TXNDC16: variants seen among roughly 807,000 people sequenced by gnomAD.
TXNDC16 encodes the protein thioredoxin domain-containing protein 16.
TXNDC16 carries 74 observed loss-of-function variants against 85.6 expected under a neutral mutation model. That is an observed-to-expected ratio of 0.86 (90% confidence interval 0.72 to 1.05). The LOEUF is 1.05. Among genes scored for constraint, TXNDC16 ranks in the 50% least tolerant of loss-of-function variants. The pLI, the probability that TXNDC16 is intolerant of heterozygous loss-of-function variation, is 0.00. For synonymous variants in TXNDC16, 335 were observed against 326.5 expected (o/e 1.03, Z -0.28); for missense variants, 959 against 947.0 (o/e 1.01, Z -0.17).
intron 9 of TXNDC16, 130 bp from the exon 10 acceptor site, chr14:52,491,135 C>T (rs903365027): frequency 1.4e-5 from 15 of 1,051,878 alleles, no homozygotes; most frequent in African/African-American, 8.2e-5. Flanking sequence ...CTAACAGAAA[C>T]GATCTCTTAA....
rs1338536134 is a variant in TXNDC16, at chr14:52,536,704, AG to A, written c.392+14del. 5 of 1,590,062 alleles carry A rather than the reference AG, an allele frequency of 3.1e-6. No homozygotes were observed. The South Asian group carries it at 4.6e-5, about 14-fold the overall frequency. Reference sequence around the variant, plus strand: ...GTAACAAGTAAACAAATGAATGTGTAGCCCCTGTACTTACAAGAGAACATGG... The same window carrying A: ...GTAACAAGTAAACAAATGAATGTGTACCCCTGTACTTACAAGAGAACATGG... On this transcript the variant is annotated intron_variant, in intron 6 of 20. Coordinates refer to ENST00000281741, the MANE Select transcript of TXNDC16 (RefSeq NM_020784.3).
intron 5 of TXNDC16, 136 bp downstream of exon 5, chr14:52,537,463 T>A: frequency 1.5e-6 from 1 of 658,882 alleles, no homozygotes; most frequent in South Asian, 1.7e-5. Flanking sequence ...ACAAATCTAT[T>A]ACTTGGACTT....
At chr14:52,544,099 A>G (rs1241106100) in intron 2 of TXNDC16, among the ~76,000 whole-genome samples, 165 bp downstream of exon 2, 1 of 152,134 alleles carries the variant, frequency 6.6e-6, no homozygotes, top group African/African-American at 2.4e-5. Context: ...ATGGAAGAAC[A>G]TTCCTTCTAA....
intron 17 of TXNDC16, among the ~76,000 whole-genome samples, chr14:52,456,486 C>A (rs1289808985): frequency 6.6e-6 from 1 of 152,152 alleles, no homozygotes; most frequent in South Asian, 2.1e-4. Context: ...TTAGAAATCA[C>A]AATTAGGAAT....
chr14:52,532,388 A>T (rs576970119), intron 6 of TXNDC16, among the ~76,000 whole-genome samples: 2 of 152,270 alleles, frequency 1.3e-5, no homozygotes, highest in African/African-American at 4.8e-5. Context: ...AAATAAATCA[A>T]GTTTAAAACA....
At position 52,519,194 on chromosome 14, in the gene TXNDC16, A is replaced by G. The variant is rs766883980; in HGVS notation, c.492T>C (p.Tyr164=). The change falls in exon 7 of 21, where the codon TAT becomes TAC. Residue 164 remains tyrosine (Y), a synonymous_variant. Transcript: ENST00000281741. The part of the protein sequence containing the change: ...LKGKANIIFS[Y]VRAIGIPEHR... The stretch of plus-strand genomic sequence containing the variant: ...TACCTGGTATTCCAATGGCTCTTAC[A>G]TATGAGAATATAATATTTGCTTTTC... 2 of 1,611,564 alleles carry G rather than the reference A, an allele frequency of 1.2e-6. No individual in the cohort carries two copies. Among genetic ancestry groups the G allele is most frequent in the Non-Finnish European group, 1.7e-6 (2 of 1,179,068 alleles).
intron 1 of TXNDC16, among the ~76,000 whole-genome samples, chr14:52,549,179 T>G (rs1479781397): frequency 6.6e-6 from 1 of 152,216 alleles, no homozygotes; most frequent in African/African-American, 2.4e-5. Context: ...GGCCCTCAAT[T>G]CTTCAGTATA....
At chr14:52,537,714 G>A (rs1594764395) in intron 4 of TXNDC16, 42 bp from the exon 5 acceptor site, 1 of 1,186,984 alleles carries the variant, frequency 8.4e-7, no homozygotes, top group East Asian at 2.4e-5. Context: ...TATATCAAAA[G>A]GTCAAGTTTC....
At chr14:52,526,375 T>C (rs1301520715) in intron 6 of TXNDC16, among the ~76,000 whole-genome samples, 1 of 152,174 alleles carries the variant, frequency 6.6e-6, no homozygotes. Flanking sequence ...TCAACCAATA[T>C]GTTCAGTTTT....
At chr14:52,480,973 ATG>A (rs768104189) in intron 14 of TXNDC16, among the ~76,000 whole-genome samples, 13,747 of 103,378 alleles carry the variant, frequency 0.13, 835 homozygotes, top group Non-Finnish European at 0.17. Context: ...ATATATATAT[ATG>A]TATATATATA....
chr14:52,453,643 T>G (rs2035462615), intron 18 of TXNDC16, among the ~76,000 whole-genome samples: 1 of 152,030 alleles, frequency 6.6e-6, no homozygotes, highest in Non-Finnish European at 1.5e-5. Context: ...ATTGAACTCA[T>G]GGAGATAGAG....
intron 9 of TXNDC16, among the ~76,000 whole-genome samples, chr14:52,499,655 A>C (rs1350241912): frequency 6.6e-6 from 1 of 151,846 alleles, no homozygotes; most frequent in East Asian, 1.9e-4. Flanking sequence ...AACGTTGGTG[A>C]AGATATGAAG....
At chr14:52,457,932 T>C (rs185926742) in intron 16 of TXNDC16, among the ~76,000 whole-genome samples, 27 of 152,312 alleles carry the variant, frequency 1.8e-4, no homozygotes, top group Admixed American at 9.2e-4. Flanking sequence ...GGTGGACTTA[T>C]AGGTCAAATT....
intron 20 of TXNDC16, among the ~76,000 whole-genome samples, chr14:52,436,204 G>A (rs758083454): frequency 3.3e-5 from 5 of 152,118 alleles, no homozygotes; most frequent in Admixed American, 6.5e-5. Context: ...AACAAAATGT[G>A]ACATATCCTT....
intron 1 of TXNDC16, among the ~76,000 whole-genome samples, chr14:52,545,983 A>T (rs777432094): frequency 1.3e-5 from 2 of 152,028 alleles, no homozygotes; most frequent in Non-Finnish European, 2.9e-5. Context: ...TAATTAGAAA[A>T]GGGAATGAAA....
At chr14:52,469,896 T>C (rs538494902) in intron 16 of TXNDC16, 141 bp downstream of exon 16, 1 of 778,738 alleles carries the variant, frequency 1.3e-6, no homozygotes, top group Admixed American at 3.6e-5. Context: ...CTCTGAATAA[T>C]TAGCTTACGA....
intron 9 of TXNDC16, 140 bp downstream of exon 9, chr14:52,511,100 A>G: frequency 1.6e-6 from 1 of 628,300 alleles, no homozygotes; most frequent in Non-Finnish European, 2.4e-6. Context: ...AAAAAGGGAA[A>G]AGCTATAACT....
chr14:52,459,293 C>A (rs560643298), intron 16 of TXNDC16, among the ~76,000 whole-genome samples: 8 of 152,010 alleles, frequency 5.3e-5, no homozygotes, highest in Non-Finnish European at 1.2e-4. Flanking sequence ...GCACTCCTAA[C>A]CCCTATATTA....
intron 16 of TXNDC16, among the ~76,000 whole-genome samples, chr14:52,459,839 A>C (rs2035614037): frequency 6.6e-6 from 1 of 152,252 alleles, no homozygotes; most frequent in Admixed American, 6.5e-5. Context: ...CAGTAGATGT[A>C]GAAAAGGCCT....
Sources: gnomAD v4.1 joint callset for allele counts (sites outside exome capture counted in the v4.1 genomes callset) on GRCh38, gnomAD v4.1.1 for gene constraint, MANE v1.5 for transcripts, NCBI Gene and HGNC (gene_info 2026-07-23, HGNC 2026-07-21) for gene names.